Variants in APP observed in about 807,000 individuals in gnomAD.
APP encodes the protein amyloid-beta precursor protein.
A neutral mutation model predicts 101.4 loss-of-function variants in APP; 31 were observed. That is an observed-to-expected ratio of 0.31 (90% CI 0.23 to 0.41). The LOEUF (loss-of-function observed/expected upper bound fraction) is 0.41. Among genes scored for constraint, APP ranks in the 10% least tolerant of loss-of-function variants. The pLI is 1.00. For missense variants in APP, 839 were observed against 1,003.7 expected, an observed-to-expected ratio of 0.84 and a Z score of 2.22; for synonymous variants, 366 against 364.4, an observed-to-expected ratio of 1.00 and a Z score of -0.05.
intron 5 of APP, 88 bp from the exon 6 acceptor site, chr21:26,022,130 A>G (rs2044370337): frequency 1.3e-6 from 2 of 1,486,792 alleles, no homozygotes; most frequent in South Asian, 2.3e-5. Flanking sequence ...GAATTTTGGC[A>G]ATTTGAGAAG....
intron 6 of APP, 148 bp from the exon 7 acceptor site, chr21:26,000,330 TTAAC>T: frequency 1.0e-6 from 1 of 1,004,764 alleles, no homozygotes; most frequent in Non-Finnish European, 1.5e-6. Flanking sequence ...ACTGAGGAAT[TTAAC>T]TGGCCACCAG....
Position 26,024,324 on chromosome 21 carries a change from C to G in APP, c.663-2282G>C, listed in dbSNP as rs547372030. On this transcript the variant is annotated intron_variant, in intron 5 of 17. Transcript: ENST00000346798. ...ATGTACCCAGAAGGAAAAAAAAAAG[C>G]GAGAGGGAGAAAGCAGAAGGGAATT... 2.0e-5 allele frequency among the ~76,000 whole-genome samples: 3 copies of G among 151,684 alleles called. No homozygotes were observed. The South Asian group carries it at 6.3e-4, about 32-fold the overall frequency.
intron 1 of APP, among the ~76,000 whole-genome samples, chr21:26,112,700 T>A (rs2830059): frequency 6.6e-6 from 1 of 152,170 alleles, no homozygotes; most frequent in African/African-American, 2.4e-5. Flanking sequence ...TCCACAAATA[T>A]AACTGAGTAT....
At chr21:25,895,667 A>G (rs1484600294) in intron 16 of APP, among the ~76,000 whole-genome samples, 3 of 152,266 alleles carry the variant, frequency 2.0e-5, no homozygotes, top group South Asian at 4.1e-4. Context: ...GCAATATAAA[A>G]TATAGCAAAT....
chr21:25,987,320 TC>T (rs773987011), intron 8 of APP, among the ~76,000 whole-genome samples: 7 of 151,940 alleles, frequency 4.6e-5, no homozygotes, highest in Non-Finnish European at 8.8e-5. Context: ...CTAGGTATGT[TC>T]CCCCCTCCAC....
At chr21:26,107,449 C>T (rs2062209124) in intron 2 of APP, among the ~76,000 whole-genome samples, 1 of 152,200 alleles carries the variant, frequency 6.6e-6, no homozygotes, top group South Asian at 2.1e-4. Context: ...TTTACCATGT[C>T]AAAAACTACA....
At chr21:26,021,216 T>TTTTG (rs1317996471) in intron 6 of APP, among the ~76,000 whole-genome samples, 1 of 151,962 alleles carries the variant, frequency 6.6e-6, no homozygotes, top group African/African-American at 2.4e-5. Flanking sequence ...CCTGGCTCAT[T>TTTTG]TTTGTATTTT....
In APP at chr21:25,962,321, T is replaced by C. The variant is rs147280895; in HGVS notation, c.1459-6566A>G. Among the ~76,000 whole-genome samples the C allele has an allele frequency of 6.8e-4, 103 of 152,178 alleles. 1 individual carries two copies. Among genetic ancestry groups the C allele is most frequent in the African/African-American group, 2.4e-3 (99 of 41,532 alleles). On this transcript the variant is annotated intron_variant, in intron 11 of 17. Coordinates refer to ENST00000346798, the MANE Select transcript of APP (RefSeq NM_000484.4). ...AGCAAGAGGAAAGAGAAACATAAGA[T>C]TTACATTTTAGAACATTACTCATTT...
intron 1 of APP, among the ~76,000 whole-genome samples, chr21:26,125,761 C>T (rs973601246): frequency 1.4e-4 from 21 of 152,206 alleles, no homozygotes; most frequent in African/African-American, 4.3e-4. Context: ...CACATCACAT[C>T]AGGAGTTCTA....
chr21:26,066,757 C>A (rs1227990640), intron 3 of APP, among the ~76,000 whole-genome samples: 2 of 152,110 alleles, frequency 1.3e-5, no homozygotes, highest in South Asian at 4.1e-4. Flanking sequence ...CCCTAAGAGC[C>A]AAGCTGCTCC....
rs569352503 is a variant in APP at position 26,070,353 on chromosome 21, G to C, written c.356-17005C>G. Among the ~76,000 whole-genome samples, 4 of 152,290 alleles carry C rather than the reference G, an allele frequency of 2.6e-5. No homozygotes were observed. The South Asian group carries it at 6.2e-4, about 24-fold the overall frequency. On this transcript the variant is annotated intron_variant, in intron 3 of 17. Coordinates refer to ENST00000346798, the MANE Select transcript of APP (RefSeq NM_000484.4). ...TTGGCAGGACTTATCACTCCACAGA[G>C]AGCTGAAATAATTGAATTTCTGGAC...
intron 17 of APP, among the ~76,000 whole-genome samples, chr21:25,882,185 G>C (rs1351981922): frequency 3.3e-5 from 5 of 151,908 alleles, no homozygotes; most frequent in African/African-American, 1.2e-4. Flanking sequence ...CATGGAGGGA[G>C]ATTCAGCAAA....
intron 15 of APP, among the ~76,000 whole-genome samples, chr21:25,903,015 T>C (rs1021076009): frequency 6.6e-5 from 10 of 152,176 alleles, no homozygotes; most frequent in African/African-American, 2.4e-4. Context: ...ACACACTGTT[T>C]TTGTTTGACA....
At chr21:26,168,566 CAGAA>C (rs1051278852) in intron 1 of APP, among the ~76,000 whole-genome samples, 3 of 151,862 alleles carry the variant, frequency 2.0e-5, no homozygotes, top group Non-Finnish European at 4.4e-5. Flanking sequence ...TCTTTTTATA[CAGAA>C]AGAAATATTG....
At chr21:26,103,247 A>T (rs957961600) in intron 2 of APP, among the ~76,000 whole-genome samples, 2 of 152,252 alleles carry the variant, frequency 1.3e-5, no homozygotes, top group Non-Finnish European at 2.9e-5. Flanking sequence ...GATAAAAACA[A>T]ACTGAAGGCA....
chr21:26,138,612 G>A (rs1200958562), intron 1 of APP, among the ~76,000 whole-genome samples: 1 of 152,014 alleles, frequency 6.6e-6, no homozygotes, highest in Non-Finnish European at 1.5e-5. Flanking sequence ...AGGATCGCTT[G>A]AGACAAGGAG....
At chr21:25,957,994 A>G in intron 11 of APP, among the ~76,000 whole-genome samples, 1 of 151,868 alleles carries the variant, frequency 6.6e-6, no homozygotes, top group East Asian at 1.9e-4. Context: ...TTAATTAAAA[A>G]AAACAAAAAA....
chr21:26,076,999 G>A (rs1026604314), intron 3 of APP, among the ~76,000 whole-genome samples: 2 of 151,620 alleles, frequency 1.3e-5, no homozygotes, highest in Admixed American at 6.6e-5. Flanking sequence ...GGAGGCGGAG[G>A]CTGCGATGAG....
intron 1 of APP, among the ~76,000 whole-genome samples, chr21:26,123,073 A>C (rs2062609481): frequency 6.6e-6 from 1 of 152,238 alleles, no homozygotes; most frequent in African/African-American, 2.4e-5. Flanking sequence ...GGCATCAGAG[A>C]TTTATGATCT....
Sources: gnomAD v4.1 joint callset for allele counts (sites outside exome capture counted in the v4.1 genomes callset) on GRCh38, gnomAD v4.1.1 for gene constraint, MANE v1.5 for transcripts, NCBI Gene and HGNC (gene_info 2026-07-23, HGNC 2026-07-21) for gene names.